Variants in MIGA1 observed in about 807,000 individuals in gnomAD.
MIGA1 encodes mitoguardin 1.
In MIGA1, 58 loss-of-function variants were observed where a neutral mutation model predicts 82.0. That is an observed-to-expected ratio of 0.71 (90% CI 0.57 to 0.88). The LOEUF (loss-of-function observed/expected upper bound fraction) is 0.88, where lower values mean the gene tolerates loss of function less well. Among genes scored for constraint, MIGA1 ranks in the 40% least tolerant of loss-of-function variants. The pLI, the probability that MIGA1 is intolerant of heterozygous loss-of-function variation, is 0.00. For synonymous variants in MIGA1, 249 were observed against 253.6 expected, an observed-to-expected ratio of 0.98 and a Z score of 0.17; for missense variants, 751 against 749.1, an observed-to-expected ratio of 1.00 and a Z score of -0.03.
intron 5 of MIGA1, 88 bp downstream of exon 5, chr1:77,807,189 T>TGAGACC: frequency 1.2e-5 from 12 of 1,040,854 alleles, no homozygotes; most frequent in Non-Finnish European, 1.7e-5. Flanking sequence ...ACAGACAGGG[T>TGAGACC]CTCACTCTGT....
rs1646918002 is a variant in MIGA1, at chr1:77,879,273, G to A, written c.*4209G>A. The A allele has an allele frequency of 6.6e-6, 1 of 152,140 alleles. No homozygotes were observed. The highest frequency in any genetic ancestry group is 1.5e-5 in the Non-Finnish European group (1 of 68,016). The allele number at this position is 152,140 out of a possible 1,614,324, so 9.4% of individuals were successfully genotyped here. On this transcript the variant is annotated 3_prime_UTR_variant, in exon 16 of 16. Transcript: ENST00000370791. Reference sequence around the variant, plus strand: ...TGAAATTTAAGAATTTATATAATCTGTGATTAGTGGAAATAAGAACATCCC... The same window carrying A: ...TGAAATTTAAGAATTTATATAATCTATGATTAGTGGAAATAAGAACATCCC...
At chr1:77,798,176 T>G (rs544376069) in intron 2 of MIGA1, among the ~76,000 whole-genome samples, 19 of 152,294 alleles carry the variant, frequency 1.2e-4, no homozygotes, top group Non-Finnish European at 2.6e-4. Flanking sequence ...CAATAGAAAT[T>G]TAATTTTTTA....
In MIGA1 at chr1:77,813,751, G is replaced by C. The variant is rs1363791633; in HGVS notation, c.655G>C (p.Glu219Gln). The change falls in exon 6 of 16, where the codon GAG becomes CAG. Residue 219 changes from glutamate to glutamine, a missense_variant. By Grantham distance (29) the Glu-to-Gln change is conservative (BLOSUM62 2). This residue lies in a region of MIGA1 where 482 missense variants were observed against 439.4 expected (regional missense o/e 1.10). Transcript: ENST00000370791. ...ATTTTTAGGTATGGAATTGTTTGAA[G>C]AGGCATTGCGTCGATGGGAACAAGC... The C allele has an allele frequency of 1.2e-6, 2 of 1,613,972 alleles. No individual in the cohort carries two copies. Among genetic ancestry groups the C allele is most frequent in the Non-Finnish European group, 1.7e-6 (2 of 1,180,000 alleles).
intron 7 of MIGA1, 93 bp from the exon 8 acceptor site, chr1:77,843,214 A>G: frequency 1.2e-6 from 1 of 864,692 alleles, no homozygotes; most frequent in Non-Finnish European, 1.9e-6. Context: ...CTAAATAAAG[A>G]CTGGGGGAAA....
intron 7 of MIGA1, among the ~76,000 whole-genome samples, chr1:77,817,846 T>A (rs1470941796): frequency 6.6e-6 from 1 of 152,174 alleles, no homozygotes; most frequent in Non-Finnish European, 1.5e-5. Context: ...GTAAACCAAG[T>A]ATCTATCTGA....
intron 7 of MIGA1, among the ~76,000 whole-genome samples, chr1:77,827,339 T>C (rs558661100): frequency 6.6e-6 from 1 of 152,288 alleles, no homozygotes; most frequent in East Asian, 1.9e-4. Flanking sequence ...CTGGGTGTGT[T>C]GACTCACGCC....
intron 15 of MIGA1, among the ~76,000 whole-genome samples, chr1:77,873,880 A>T (rs1296167139): frequency 6.6e-6 from 1 of 152,170 alleles, no homozygotes; most frequent in Non-Finnish European, 1.5e-5. Flanking sequence ...GAACACGTTG[A>T]TTTTTGTAGT....
At chr1:77,871,083 A>AC (rs1479538139) in intron 14 of MIGA1, among the ~76,000 whole-genome samples, 1 of 67,994 alleles carries the variant, frequency 1.5e-5, no homozygotes, top group Non-Finnish European at 2.5e-5. Context: ...GTGGAAGGAG[A>AC]CCGTGGGAAG....
chr1:77,808,136 T>C (rs1232260708), intron 5 of MIGA1, among the ~76,000 whole-genome samples: 2 of 151,526 alleles, frequency 1.3e-5, no homozygotes, highest in African/African-American at 4.8e-5. Context: ...CTCTCTTTTT[T>C]TTTTTTTTTT....
chr1:77,852,266 A>T (rs1685084607), intron 8 of MIGA1, among the ~76,000 whole-genome samples: 1 of 152,124 alleles, frequency 6.6e-6, no homozygotes, highest in Admixed American at 6.6e-5. Flanking sequence ...ATTTGTTTTG[A>T]CAGTGGTACA....
intron 12 of MIGA1, among the ~76,000 whole-genome samples, chr1:77,863,504 A>G (rs976639214): frequency 6.6e-6 from 1 of 152,228 alleles, no homozygotes; most frequent in Non-Finnish European, 1.5e-5. Context: ...AGCACTTGGT[A>G]CAGCATGTAG....
In MIGA1 at chr1:77,813,842, A is replaced by G; in HGVS notation, c.746A>G (p.Asp249Gly). Residue 249 changes from aspartate (D) to glycine (G), a missense_variant, in exon 6 of 16, where the codon GAT becomes GGT. This residue lies in a region of MIGA1 where 482 missense variants were observed against 439.4 expected (regional missense o/e 1.10). Transcript: ENST00000370791. ...GGTTCCATTAAACTGGGTGCAGGAG[A>G]TGCCATTGCTGAAGAAAATGTAGAT... is the stretch of plus-strand genomic sequence containing the variant. 1 of 1,614,158 alleles carries G rather than the reference A, an allele frequency of 6.2e-7. No individual in the cohort carries two copies. Among genetic ancestry groups the G allele is most frequent in the Non-Finnish European group, 8.5e-7 (1 of 1,180,016 alleles).
chr1:77,810,396 C>T (rs1683277585), intron 5 of MIGA1, among the ~76,000 whole-genome samples: 2 of 151,440 alleles, frequency 1.3e-5, no homozygotes, highest in Non-Finnish European at 2.9e-5. Context: ...TGGTCCCATT[C>T]CTCTCAAAGC....
chr1:77,803,403 C>A lies in MIGA1; in HGVS notation c.507C>A (p.Ala169=). The change falls in exon 4 of 16, where the codon GCC becomes GCA. Residue 169 remains alanine, a synonymous_variant. Transcript: ENST00000370791. ...ATTCAGGTTCTGCACAGAGTTTGGC[C>A]TCTGTAAGTACAGAAAAAATATTAA... 6.7e-7 allele frequency: 1 copy of A among 1,497,122 alleles called. No homozygotes were observed. The highest frequency in any genetic ancestry group is 1.4e-5 in the South Asian group (1 of 71,944). The allele number at this position is 1,497,122 out of a possible 1,614,324, so 92.7% of individuals were successfully genotyped here. A position where few individuals can be genotyped will look rare whatever the true frequency, so the allele number is the denominator to read the frequency against.
At chr1:77,830,832 T>C (rs112052934) in intron 7 of MIGA1, among the ~76,000 whole-genome samples, 8 of 152,192 alleles carry the variant, frequency 5.3e-5, no homozygotes, top group South Asian at 2.1e-4. Flanking sequence ...ATTTATTTGC[T>C]GTGTACCTGA....
intron 5 of MIGA1, among the ~76,000 whole-genome samples, chr1:77,810,022 C>T (rs1158950640): frequency 6.6e-6 from 1 of 152,004 alleles, no homozygotes; most frequent in Non-Finnish European, 1.5e-5. Flanking sequence ...TGCAGTATCT[C>T]GTTAGCATCT....
chr1:77,791,589 A>G (rs1261466290), intron 2 of MIGA1, among the ~76,000 whole-genome samples: 1 of 133,830 alleles, frequency 7.5e-6, no homozygotes, highest in Non-Finnish European at 1.5e-5. Flanking sequence ...TTTTAAACAG[A>G]GTCTTGCTCT....
chr1:77,848,136 C>G (rs962809475), intron 8 of MIGA1: 2 of 1,355,278 alleles, frequency 1.5e-6, no homozygotes, highest in Admixed American at 3.4e-5. Context: ...TTACACTGAC[C>G]GTGATTACCA....
At chr1:77,785,672 G>A (rs1487419591) in intron 2 of MIGA1, among the ~76,000 whole-genome samples, 6 of 152,146 alleles carry the variant, frequency 3.9e-5, no homozygotes, top group Non-Finnish European at 8.8e-5. Context: ...GTTCCAAAAT[G>A]ATCTCTTTTG....
Sources: allele counts gnomAD v4.1 joint callset (sites outside exome capture counted in the v4.1 genomes callset), GRCh38; gene constraint gnomAD v4.1.1; regional missense constraint gnomAD v4.1.1; transcripts MANE v1.5; gene names NCBI Gene and HGNC (gene_info 2026-07-23, HGNC 2026-07-21).